SLC24A3: variants seen among roughly 807,000 people sequenced by gnomAD.
SLC24A3 encodes the protein sodium/potassium/calcium exchanger 3.
Under a neutral mutation model 75.8 loss-of-function variants are expected in SLC24A3, and 28 were observed. That is an observed-to-expected ratio of 0.37 (90% confidence interval 0.27 to 0.51). SLC24A3 has a LOEUF of 0.51. SLC24A3 is among the 20% of genes least tolerant of loss of function. The pLI, the probability that SLC24A3 is intolerant of heterozygous loss-of-function variation, is 0.94. For missense variants in SLC24A3, 663 were observed against 847.8 expected, an observed-to-expected ratio of 0.78 and a Z score of 2.71; for synonymous variants, 372 against 334.1, an observed-to-expected ratio of 1.11 and a Z score of -1.24.
intron 2 of SLC24A3, among the ~76,000 whole-genome samples, chr20:19,333,161 CTGTT>C (rs1185739332): frequency 1.4e-4 from 21 of 152,284 alleles, no homozygotes; most frequent in Non-Finnish European, 2.4e-4. Context: ...GGCTGTCTGT[CTGTT>C]TATCTGTCAT....
chr20:19,298,287 A>G (rs1984108450), intron 2 of SLC24A3, among the ~76,000 whole-genome samples: 1 of 152,220 alleles, frequency 6.6e-6, no homozygotes, highest in Non-Finnish European at 1.5e-5. Context: ...TTTCCAACAA[A>G]CGCTGTCCCA....
intron 3 of SLC24A3, among the ~76,000 whole-genome samples, chr20:19,569,811 G>A (rs758123244): frequency 1.3e-5 from 2 of 152,284 alleles, no homozygotes; most frequent in East Asian, 3.9e-4. Flanking sequence ...TCAGGCCAAA[G>A]GTTCCCGTTG....
At chr20:19,393,278 T>C (rs1435349295) in intron 2 of SLC24A3, among the ~76,000 whole-genome samples, 1 of 152,126 alleles carries the variant, frequency 6.6e-6, no homozygotes, top group African/African-American at 2.4e-5. Flanking sequence ...GAGGGTATGA[T>C]AGAGACTGTG....
At chr20:19,686,557 TG>T (rs2032678235) in intron 12 of SLC24A3, among the ~76,000 whole-genome samples, 1 of 152,214 alleles carries the variant, frequency 6.6e-6, no homozygotes, top group African/African-American at 2.4e-5. Flanking sequence ...TCGGGATGTT[TG>T]AATGTGCAGG....
chr20:19,585,149 C>T (rs893353517), intron 5 of SLC24A3, 94 bp downstream of exon 5: 15 of 1,142,582 alleles, frequency 1.3e-5, no homozygotes, highest in Admixed American at 2.2e-5. Context: ...TTGTCTGCCA[C>T]TCATAGAAAA....
intron 2 of SLC24A3, among the ~76,000 whole-genome samples, chr20:19,422,134 A>C (rs370372261): frequency 2.0e-5 from 3 of 152,072 alleles, no homozygotes; most frequent in Non-Finnish European, 4.4e-5. Context: ...GCCAGAGAAC[A>C]CATGCAGACT....
At chr20:19,246,787 TTCTCTA>T (rs975521747) in intron 1 of SLC24A3, among the ~76,000 whole-genome samples, 17 of 152,306 alleles carry the variant, frequency 1.1e-4, no homozygotes, top group East Asian at 1.9e-4. Context: ...CTCTATCCCT[TTCTCTA>T]TCTCTATCTC....
chr20:19,292,569 T>C (rs756606473), intron 2 of SLC24A3, among the ~76,000 whole-genome samples: 17 of 152,136 alleles, frequency 1.1e-4, no homozygotes, highest in Non-Finnish European at 2.1e-4. Flanking sequence ...TTGCCCTGGG[T>C]AAATTTATAG....
intron 6 of SLC24A3, among the ~76,000 whole-genome samples, chr20:19,638,946 C>A (rs1372659551): frequency 6.6e-6 from 1 of 152,086 alleles, no homozygotes; most frequent in Non-Finnish European, 1.5e-5. Flanking sequence ...AAAGAGTGAG[C>A]AGTAGCAAGA....
At chr20:19,617,636 C>A (rs188654282) in intron 6 of SLC24A3, among the ~76,000 whole-genome samples, 1 of 152,186 alleles carries the variant, frequency 6.6e-6, no homozygotes, top group Non-Finnish European at 1.5e-5. Flanking sequence ...TGCAGGAGGG[C>A]GGCTTGGGCT....
chr20:19,553,268 T>C (rs1351817366), intron 3 of SLC24A3, among the ~76,000 whole-genome samples: 1 of 152,164 alleles, frequency 6.6e-6, no homozygotes, highest in African/African-American at 2.4e-5. Context: ...TGTATGTGTG[T>C]GCACCTTTGT....
At chr20:19,484,764 G>A (rs1376637066) in intron 2 of SLC24A3, among the ~76,000 whole-genome samples, 4 of 152,098 alleles carry the variant, frequency 2.6e-5, no homozygotes, top group Non-Finnish European at 4.4e-5. Flanking sequence ...TAGTGGCTGC[G>A]CAAACAACAT....
At chr20:19,519,961 A>G (rs1191279935) in intron 3 of SLC24A3, among the ~76,000 whole-genome samples, 3 of 152,192 alleles carry the variant, frequency 2.0e-5, no homozygotes, top group African/African-American at 7.2e-5. Flanking sequence ...AGCAGGAATA[A>G]ATACTCTCTG....
chr20:19,428,863 C>T (rs8118557), intron 2 of SLC24A3, among the ~76,000 whole-genome samples: 7,226 of 152,246 alleles, frequency 0.047, 352 homozygotes, highest in African/African-American at 0.12. Context: ...AGTCTACAAA[C>T]ATAAACTGTC....
chr20:19,435,410 G>A (rs1445418348), intron 2 of SLC24A3, among the ~76,000 whole-genome samples: 2 of 152,182 alleles, frequency 1.3e-5, no homozygotes, highest in Non-Finnish European at 2.9e-5. Flanking sequence ...AAAGACATTC[G>A]TTGTCACCAC....
At chr20:19,319,037 T>C (rs1413136189) in intron 2 of SLC24A3, among the ~76,000 whole-genome samples, 1 of 152,142 alleles carries the variant, frequency 6.6e-6, no homozygotes, top group African/African-American at 2.4e-5. Flanking sequence ...CTTTGTGCCA[T>C]GTTTTAGAGC....
intron 6 of SLC24A3, among the ~76,000 whole-genome samples, chr20:19,612,607 A>ATGTGTGTGTGT: frequency 6.8e-6 from 1 of 146,938 alleles, no homozygotes; most frequent in Non-Finnish European, 1.5e-5. Flanking sequence ...CCTTAAGAAA[A>ATGTGTGTGTGT]GTGTGTGTGT....
At chr20:19,405,367 G>A (rs750366225) in intron 2 of SLC24A3, among the ~76,000 whole-genome samples, 7 of 152,220 alleles carry the variant, frequency 4.6e-5, no homozygotes, top group South Asian at 4.1e-4. Flanking sequence ...CTGTCTTCCC[G>A]TTTTTTCTGG....
chr20:19,229,294 A>G (rs1053202480), intron 1 of SLC24A3, among the ~76,000 whole-genome samples: 5 of 152,002 alleles, frequency 3.3e-5, no homozygotes, highest in Admixed American at 2.6e-4. Flanking sequence ...GAAAATTTGT[A>G]TCTTGTATTT....
Sources: allele counts gnomAD v4.1 joint callset (sites outside exome capture counted in the v4.1 genomes callset), GRCh38; gene constraint gnomAD v4.1.1; transcripts MANE v1.5; gene names NCBI Gene and HGNC (gene_info 2026-07-23, HGNC 2026-07-21).